MITF: variants seen among roughly 807,000 people sequenced by gnomAD.
The protein encoded by MITF is melanocyte inducing transcription factor.
In MITF, 17 loss-of-function variants were observed where a neutral mutation model predicts 60.5. The ratio of observed to expected loss-of-function variants is 0.28; its 90% CI spans 0.19 to 0.42. The LOEUF is 0.42. Ranked by LOEUF, MITF falls within the 10% of genes least tolerant of loss-of-function variation. The pLI is 1.00. For synonymous variants in MITF, 260 were observed against 248.5 expected, an observed-to-expected ratio of 1.05 and a Z score of -0.43; for missense variants, 622 against 683.5, an observed-to-expected ratio of 0.91 and a Z score of 1.00.
chr3:69,788,832 G>A (rs888266854), intron 1 of MITF, among the ~76,000 whole-genome samples: 2 of 152,180 alleles, frequency 1.3e-5, no homozygotes, highest in Non-Finnish European at 2.9e-5. Context: ...AGGGTGCCAA[G>A]ATGATTCAAT....
At chr3:69,953,660 TATAGAGAG>T (rs1161138920) in intron 7 of MITF, among the ~76,000 whole-genome samples, 69 of 135,754 alleles carry the variant, frequency 5.1e-4, no homozygotes, top group African/African-American at 1.6e-3. Context: ...TATATATATA[TATAGAGAG>T]AGAGAGAGAG....
intron 2 of MITF, among the ~76,000 whole-genome samples, chr3:69,914,495 C>G (rs2065291298): frequency 6.6e-6 from 1 of 152,160 alleles, no homozygotes; most frequent in Non-Finnish European, 1.5e-5. Context: ...GCTGGGAAAA[C>G]TCCCCAGGAG....
chr3:69,902,046 C>T (rs1217922608), intron 2 of MITF, among the ~76,000 whole-genome samples: 1 of 152,166 alleles, frequency 6.6e-6, no homozygotes, highest in Non-Finnish European at 1.5e-5. Flanking sequence ...TGTGGCCACA[C>T]TCCAACTGGC....
chr3:69,778,583 C>T (rs143678181), intron 1 of MITF, among the ~76,000 whole-genome samples: 2 of 152,178 alleles, frequency 1.3e-5, no homozygotes, highest in African/African-American at 4.8e-5. Context: ...AGATGGCTGC[C>T]GCTCCTCTGG....
chr3:69,916,085 A>T (rs1030174221), intron 2 of MITF, among the ~76,000 whole-genome samples: 4 of 152,226 alleles, frequency 2.6e-5, no homozygotes, highest in African/African-American at 4.8e-5. Flanking sequence ...CATTGTTCTG[A>T]TACAAAACTA....
At chr3:69,816,169 C>T (rs529311593) in intron 1 of MITF, among the ~76,000 whole-genome samples, 1 of 152,184 alleles carries the variant, frequency 6.6e-6, no homozygotes, top group African/African-American at 2.4e-5. Flanking sequence ...TCACCCTCTG[C>T]ATATACACAT....
rs145289644 is a variant in MITF, at chr3:69,792,512, A to G, written c.104+52811A>G. On this transcript the variant is annotated intron_variant, in intron 1 of 9. Transcript: ENST00000352241. ...TAGATAAAATGTGGTTAATTTCCCT[A>G]CTCACCATCCCTAATCCTACTCTTC... 4.7e-3 allele frequency among the ~76,000 whole-genome samples: 710 copies of G among 152,012 alleles called. 8 individuals carry two copies. The highest frequency in any genetic ancestry group is 0.016 in the African/African-American group (651 of 41,464).
intron 1 of MITF, among the ~76,000 whole-genome samples, chr3:69,859,341 G>A (rs1194755840): frequency 6.6e-6 from 1 of 152,170 alleles, no homozygotes; most frequent in African/African-American, 2.4e-5. Flanking sequence ...AAGAAACAGT[G>A]TCTCTCTACC....
At position 69,863,795 on chromosome 3, in the gene MITF, T is replaced by G. The variant is rs182727387; in HGVS notation, c.105-15339T>G. ...TGGGCTGGTCTTGAACTCCTGGTCTTAAGCAAACCTCCCACTTCAGCCTCC... is the reference window on the plus strand; with the variant it reads ...TGGGCTGGTCTTGAACTCCTGGTCTGAAGCAAACCTCCCACTTCAGCCTCC... On this transcript the variant is annotated intron_variant, in intron 1 of 9. Transcript: ENST00000352241. 4.1e-4 allele frequency among the ~76,000 whole-genome samples: 62 copies of G among 152,264 alleles called. 1 individual carries two copies. The East Asian group carries it at 5.6e-3, about 14-fold the overall frequency.
chr3:69,855,103 C>T lies in MITF; in HGVS notation c.105-24031C>T, dbSNP rs111606655. On this transcript the variant is annotated intron_variant, in intron 1 of 9. Coordinates refer to ENST00000352241, the MANE Select transcript of MITF (RefSeq NM_001354604.2). ...TGTTATCAGTTTTACCCCCCGCCCCCCAGGGACTACTTTTCTGCTCTCATG... is the reference window on the plus strand; with the variant it reads ...TGTTATCAGTTTTACCCCCCGCCCCTCAGGGACTACTTTTCTGCTCTCATG... Among the ~76,000 whole-genome samples the T allele has an allele frequency of 6.6e-5, 10 of 151,840 alleles. 1 individual carries two copies. The highest frequency in any genetic ancestry group is 2.4e-4 in the African/African-American group (10 of 41,434).
intron 1 of MITF, among the ~76,000 whole-genome samples, chr3:69,771,370 T>C (rs890545588): frequency 6.6e-6 from 1 of 152,186 alleles, no homozygotes; most frequent in Non-Finnish European, 1.5e-5. Context: ...GAGTATTTGC[T>C]TAAATGACTT....
chr3:69,936,896 C>G, intron 2 of MITF: 1 of 699,136 alleles, frequency 1.4e-6, no homozygotes. Context: ...TATTTGATGC[C>G]ATAAGAAGTA....
chr3:69,885,258 G>T (rs563172107), intron 2 of MITF, among the ~76,000 whole-genome samples: 1 of 152,202 alleles, frequency 6.6e-6, no homozygotes, highest in South Asian at 2.1e-4. Flanking sequence ...AATTCATCCT[G>T]TGGGTTTCAA....
chr3:69,931,998 C>T (rs903196734), intron 2 of MITF, among the ~76,000 whole-genome samples: 2 of 152,314 alleles, frequency 1.3e-5, no homozygotes, highest in African/African-American at 4.8e-5. Flanking sequence ...TACAAAGATG[C>T]TTGTCCAGTT....
In MITF at chr3:69,908,211, A is replaced by G. The variant is rs144887416; in HGVS notation, c.354+28828A>G. 6.6e-4 allele frequency among the ~76,000 whole-genome samples: 100 copies of G among 152,338 alleles called. No homozygotes were observed. In the East Asian group the frequency reaches 0.015, roughly 23 times the overall value. ...GTGTGATTCAGTTTTGTACCACTTT[A>G]CATAGTGAGAAAACATTCCAGAAGG... On this transcript the variant is annotated intron_variant, in intron 2 of 9. Transcript: ENST00000352241.
At chr3:69,762,087 T>C (rs981084288) in intron 1 of MITF, among the ~76,000 whole-genome samples, 3 of 152,228 alleles carry the variant, frequency 2.0e-5, no homozygotes, top group Non-Finnish European at 4.4e-5. Flanking sequence ...TCTTTAAACA[T>C]CATAATGTTG....
intron 7 of MITF, among the ~76,000 whole-genome samples, chr3:69,952,883 T>C (rs974516668): frequency 5.3e-5 from 8 of 152,186 alleles, no homozygotes; most frequent in African/African-American, 1.9e-4. Context: ...TGAAAACAAA[T>C]TGCATAGTAT....
intron 1 of MITF, among the ~76,000 whole-genome samples, chr3:69,869,132 T>C (rs900798416): frequency 2.6e-5 from 4 of 152,148 alleles, no homozygotes; most frequent in African/African-American, 9.7e-5. Flanking sequence ...TATTATTAGA[T>C]TCTATGAGGT....
intron 1 of MITF, among the ~76,000 whole-genome samples, chr3:69,804,879 A>G (rs1057278704): frequency 2.0e-5 from 3 of 152,212 alleles, no homozygotes; most frequent in Non-Finnish European, 4.4e-5. Context: ...TTGAAAGGCT[A>G]TACAATAATT....
Sources: allele counts gnomAD v4.1 joint callset (sites outside exome capture counted in the v4.1 genomes callset), GRCh38; gene constraint gnomAD v4.1.1; transcripts MANE v1.5; gene names NCBI Gene and HGNC (gene_info 2026-07-23, HGNC 2026-07-21).